NRBP2: variants seen among roughly 807,000 people sequenced by gnomAD.
The protein encoded by NRBP2 is nuclear receptor binding protein 2, also known as nuclear receptor-binding protein 2.
Under a neutral mutation model 74.4 loss-of-function variants are expected in NRBP2, and 47 were observed. The ratio of observed to expected loss-of-function variants is 0.63; its 90% CI spans 0.50 to 0.81. The LOEUF (loss-of-function observed/expected upper bound fraction) is 0.81. Ranked by LOEUF, NRBP2 falls within the 30% of genes least tolerant of loss-of-function variation. The pLI is 0.00. For synonymous variants in NRBP2, 312 were observed against 273.8 expected (o/e 1.14, Z -1.38); for missense variants, 613 against 690.1 (o/e 0.89, Z 1.25).
Position 143,837,754 on chromosome 8 carries a change from T to C in NRBP2, c.842A>G (p.Glu281Gly). 2.6e-6 allele frequency: 4 copies of C among 1,559,222 alleles called. No homozygotes were observed. The highest frequency in any genetic ancestry group is 3.5e-6 in the Non-Finnish European group (4 of 1,150,658). Residue 281 changes from glutamate to glycine, a missense_variant and splice_region_variant, in exon 11 of 18, where the codon GAG (glutamate) becomes GGG (glycine). Physicochemically the swap from Glu to Gly is moderately conservative, Grantham distance 98. Around this residue, in one of 2 missense-constraint regions of NRBP2, gnomAD observed 332 missense variants for 429.2 expected, o/e 0.77. Coordinates refer to ENST00000442628, the MANE Select transcript of NRBP2 (RefSeq NM_178564.4). The surrounding 1 kb of genome is among the most constrained non-coding windows in gnomAD (Gnocchi z 4.3). ...RHSLSDPNMR[E>G]FILCCLARDP... is the part of the protein sequence containing the mutation. ...CCGGGCCAGGCAGCAAAGGATGAACTCCTGGGGCACAGGGAGGAGAGGCTG... is the reference window on the plus strand; with the variant it reads ...CCGGGCCAGGCAGCAAAGGATGAACCCCTGGGGCACAGGGAGGAGAGGCTG...
chr8:143,831,650 C>T (rs1457246093), downstream of NRBP2, among the ~76,000 whole-genome samples: 1 of 152,104 alleles, frequency 6.6e-6, no homozygotes, highest in Non-Finnish European at 1.5e-5. Flanking sequence ...AACAGAAGTC[C>T]AACATCTAAA....
rs1554651527 is a variant in NRBP2, at chr8:143,835,901, A to G, written c.1382-26T>C. The G allele has an allele frequency of 1.3e-6, 2 of 1,598,824 alleles. No individual in the cohort carries two copies. Among genetic ancestry groups the G allele is most frequent in the African/African-American group, 1.3e-5 (1 of 74,748 alleles). Reference sequence around the variant, plus strand: ...CTGAGGCAATGGCGTAAGGCGAGGCATGAGGCCGCTGCCCACCCGCCGCCT... The same window carrying G: ...CTGAGGCAATGGCGTAAGGCGAGGCGTGAGGCCGCTGCCCACCCGCCGCCT... On this transcript the variant is annotated intron_variant, in intron 16 of 17. Coordinates refer to ENST00000442628, the MANE Select transcript of NRBP2 (RefSeq NM_178564.4). This position sits in a 1 kb window ranked among gnomAD's most constrained non-coding sequence, Gnocchi z 4.9.
In NRBP2 at chr8:143,840,036, G is replaced by A. The variant is rs1554653309; in HGVS notation, c.253-6C>T. The A allele has an allele frequency of 1.3e-6, 2 of 1,536,076 alleles. No homozygotes were observed. The highest frequency in any genetic ancestry group is 1.4e-5 in the African/African-American group (1 of 73,052). ...AACACGGTCTGGATCTTCTCCTGGG[G>A]AGGGAGGGTGGTCGCTGGGTGGTCA... is the stretch of plus-strand genomic sequence containing the variant. On this transcript the variant is annotated splice_region_variant and splice_polypyrimidine_tract_variant and intron_variant, in intron 2 of 17. Transcript: ENST00000442628. The surrounding 1 kb of genome is among the most constrained non-coding windows in gnomAD (Gnocchi z 5.7).
At chr8:143,836,260 A>G (rs1433440444) in intron 14 of NRBP2, 80 bp from the exon 15 acceptor site, 5 of 1,436,996 alleles carry the variant, frequency 3.5e-6, no homozygotes, top group Non-Finnish European at 4.6e-6. Context: ...GGGAAGGGAC[A>G]GCAAAGACTG....
chr8:143,837,418 CG>C lies in NRBP2; in HGVS notation c.1064del (p.Pro355ArgfsTer28). 1.2e-6 allele frequency: 2 copies of C among 1,600,806 alleles called. No individual in the cohort carries two copies. The highest frequency in any genetic ancestry group is 2.3e-5 in the East Asian group (1 of 44,418). On this transcript the variant is annotated frameshift_variant, in exon 12 of 18. Transcript: ENST00000442628. LOFTEE classifies it high-confidence loss of function. This position sits in a 1 kb window ranked among gnomAD's most constrained non-coding sequence, Gnocchi z 4.3. ...TGCTGACTGCTCACCGCCACTGCAG[CG>C]GGGGCCTGCGGGGCCGGGGAAGCTC... is the stretch of plus-strand genomic sequence containing the variant. The part of the protein sequence containing the change: ...LAELPRPRRP[P>X]LQWRYSEVSF...
At position 143,837,335 on chromosome 8, in the gene NRBP2, C is replaced by T. The variant is rs781846101; in HGVS notation, c.1077-36G>A. ...AGTGGGAGGCACATGAGGGGCTGGC[C>T]GGGGCGAGGGGAGGGGAGGTGCGGG... On this transcript the variant is annotated intron_variant, in intron 12 of 17. Coordinates refer to ENST00000442628, the MANE Select transcript of NRBP2 (RefSeq NM_178564.4). The surrounding 1 kb of genome is among the most constrained non-coding windows in gnomAD (Gnocchi z 4.3). The T allele has an allele frequency of 3.8e-5, 15 of 393,748 alleles. No homozygotes were observed. Among genetic ancestry groups the T allele is most frequent in the South Asian group, 8.4e-5 (2 of 23,710 alleles). The allele number at this position is 393,748 out of a possible 1,614,324, so 24.4% of individuals were successfully genotyped here. A position where few individuals can be genotyped will look rare whatever the true frequency, so the allele number is the denominator to read the frequency against.
chr8:143,835,868 G>T lies in NRBP2; in HGVS notation c.1389C>A (p.Ser463Arg). ...CGAGCTCCGAGGCGAGGTCCTGGGCGCTGTCCGCTGAGGCAATGGCGTAAG... is the reference window on the plus strand; with the variant it reads ...CGAGCTCCGAGGCGAGGTCCTGGGCTCTGTCCGCTGAGGCAATGGCGTAAG... ...QLTYDLLPTD[S>R]AQDLASELVH... The change falls in exon 17 of 18, where the codon AGC (serine) becomes AGA (arginine). Residue 463 changes from serine (S) to arginine (R), a missense_variant. Around this residue, in one of 2 missense-constraint regions of NRBP2, gnomAD observed 281 missense variants for 260.9 expected, o/e 1.08. Transcript: ENST00000442628. The surrounding 1 kb of genome is among the most constrained non-coding windows in gnomAD (Gnocchi z 4.9). The T allele has an allele frequency of 6.3e-7, 1 of 1,598,830 alleles. No homozygotes were observed. Among genetic ancestry groups the T allele is most frequent in the Non-Finnish European group, 8.5e-7 (1 of 1,176,512 alleles).
Position 143,837,846 on chromosome 8 carries a change from G to A in NRBP2, c.841-91C>T. ...GAGAGGTGGCCCCTGAGTTCCCCAT[G>A]TCCCTCCTCAGGGACACACAGGACA... On this transcript the variant is annotated intron_variant, in intron 10 of 17. Coordinates refer to ENST00000442628, the MANE Select transcript of NRBP2 (RefSeq NM_178564.4). This position sits in a 1 kb window ranked among gnomAD's most constrained non-coding sequence, Gnocchi z 4.3. 1 of 1,481,452 alleles carries A rather than the reference G, an allele frequency of 6.8e-7. No individual in the cohort carries two copies. Among genetic ancestry groups the A allele is most frequent in the Non-Finnish European group, 9.2e-7 (1 of 1,090,112 alleles). 91.8% of individuals were successfully genotyped at this position (1,481,452 alleles called of 1,614,324 possible).
Position 143,837,738 on chromosome 8 carries a change from G to C in NRBP2, c.858C>G (p.Cys286Trp). The part of the protein sequence containing the change: ...DPNMREFILC[C>W]LARDPARRPS... Reference sequence around the variant, plus strand: ...GCCGGCGGGCAGGGTCCCGGGCCAGGCAGCAAAGGATGAACTCCTGGGGCA... The same window carrying C: ...GCCGGCGGGCAGGGTCCCGGGCCAGCCAGCAAAGGATGAACTCCTGGGGCA... The change falls in exon 11 of 18, where the codon TGC becomes TGG. Residue 286 changes from cysteine (C) to tryptophan (W), a missense_variant. Cys to Trp is a radical substitution (Grantham distance 215). Transcript: ENST00000442628. This position sits in a 1 kb window ranked among gnomAD's most constrained non-coding sequence, Gnocchi z 4.3. 6.4e-7 allele frequency: 1 copy of C among 1,561,080 alleles called. No individual in the cohort carries two copies.
intron 14 of NRBP2, 54 bp from the exon 15 acceptor site, chr8:143,836,234 C>T (rs1220058953): frequency 1.5e-5 from 22 of 1,472,862 alleles, no homozygotes; most frequent in African/African-American, 5.9e-5. Context: ...CCACATGCCG[C>T]GGCCCCAAAG....
At position 143,840,424 on chromosome 8, in the gene NRBP2, A is replaced by T; in HGVS notation, c.130-195T>A. On this transcript the variant is annotated intron_variant, in intron 1 of 17. Transcript: ENST00000442628. This position sits in a 1 kb window ranked among gnomAD's most constrained non-coding sequence, Gnocchi z 5.7. ...CCTATCCAAGGGCTGGGCTAAGGGG[A>T]TTTGGAGCAGGTTTCAGGGGGTCGA... The T allele has an allele frequency of 2.6e-6, 2 of 781,304 alleles. No individual in the cohort carries two copies. The highest frequency in any genetic ancestry group is 5.4e-5 in the East Asian group (2 of 36,926). 48.4% of individuals were successfully genotyped at this position (781,304 alleles called of 1,614,324 possible).
chr8:143,838,171 A>G (rs1271614848), intron 10 of NRBP2: 12 of 408,722 alleles, frequency 2.9e-5, no homozygotes, highest in Non-Finnish European at 3.2e-5. Context: ...AGGCACCCCC[A>G]TCTCCTGAGG....
chr8:143,839,307 C>T lies in NRBP2; in HGVS notation c.580+7G>A. ...CGTTCCCCCACCCAGCCCTGCCCCG[C>T]CAGCACCGGAGCCGATCTTGATGAG... On this transcript the variant is annotated splice_region_variant and intron_variant, in intron 6 of 17. Transcript: ENST00000442628. This position sits in a 1 kb window ranked among gnomAD's most constrained non-coding sequence, Gnocchi z 5.1. 6.4e-7 allele frequency: 1 copy of T among 1,555,118 alleles called. No homozygotes were observed. The highest frequency in any genetic ancestry group is 8.6e-7 in the Non-Finnish European group (1 of 1,157,764).
Position 143,837,659 on chromosome 8 carries a change from T to G in NRBP2, c.937A>C (p.Lys313Gln), listed in dbSNP as rs1554652301. Reference sequence around the variant, plus strand: ...ATGAAGCAGTGGGCTGCCAGGAGCTTCAGCGAGTGCACCTCGAAGAGCACG... The same window carrying G: ...ATGAAGCAGTGGGCTGCCAGGAGCTGCAGCGAGTGCACCTCGAAGAGCACG... ...HRVLFEVHSL[K>Q]LLAAHCFIQH... is the part of the protein sequence containing the mutation. Residue 313 changes from lysine (K) to glutamine (Q), a missense_variant, in exon 11 of 18, where the codon AAG becomes CAG. By Grantham distance (53) the Lys-to-Gln change is moderately conservative (BLOSUM62 1). Around this residue, in one of 2 missense-constraint regions of NRBP2, gnomAD observed 281 missense variants for 260.9 expected, o/e 1.08. Transcript: ENST00000442628. The surrounding 1 kb of genome is among the most constrained non-coding windows in gnomAD (Gnocchi z 4.3). The G allele has an allele frequency of 1.4e-5, 22 of 1,596,694 alleles. No homozygotes were observed. Among genetic ancestry groups the G allele is most frequent in the Non-Finnish European group, 1.7e-5 (20 of 1,171,866 alleles).
chr8:143,836,206 A>T (rs781973300), intron 14 of NRBP2, 26 bp from the exon 15 acceptor site: 4 of 1,518,220 alleles, frequency 2.6e-6, no homozygotes, highest in South Asian at 2.6e-5. Flanking sequence ...GCTGGGACTC[A>T]CAAACCCAGC....
Position 143,835,463 on chromosome 8 carries a change from T to A in NRBP2, c.*199A>T, listed in dbSNP as rs1818317448. On this transcript the variant is annotated 3_prime_UTR_variant, in exon 18 of 18. Transcript: ENST00000442628. This position sits in a 1 kb window ranked among gnomAD's most constrained non-coding sequence, Gnocchi z 4.9. ...CTAAGGACCTGGGAGGCCTAACGGC[T>A]CCCCCACACCCACCCCCCAACCCCT... 1.5e-6 allele frequency: 1 copy of A among 655,178 alleles called. No individual in the cohort carries two copies. The highest frequency in any genetic ancestry group is 2.7e-6 in the Non-Finnish European group (1 of 368,268). 40.6% of individuals were successfully genotyped at this position (655,178 alleles called of 1,614,324 possible). A position where few individuals can be genotyped will look rare whatever the true frequency, so the allele number is the denominator to read the frequency against.
In NRBP2 at chr8:143,836,070, G is replaced by A. The variant is rs782116631; in HGVS notation, c.1318-40C>T. 1.1e-5 allele frequency: 18 copies of A among 1,574,942 alleles called. No individual in the cohort carries two copies. In the Admixed American group the frequency reaches 3.3e-4, roughly 29 times the overall value. ...GGGCGTGGTCGGCTGGGGGTTCAGG[G>A]CTCCGCCACGCTCCCGCCTTCCCCA... On this transcript the variant is annotated intron_variant, in intron 15 of 17. Transcript: ENST00000442628.
At chr8:143,830,908 T>A (rs1255537502), downstream of NRBP2, among the ~76,000 whole-genome samples, 1 of 152,004 alleles carries the variant, frequency 6.6e-6, no homozygotes, top group East Asian at 1.9e-4. Flanking sequence ...AAGTGAGCAA[T>A]TCAATAGGCT....
rs1452343534 is a variant in NRBP2 at position 143,839,124 on chromosome 8, C to T, written c.605-24G>A. On this transcript the variant is annotated intron_variant, in intron 7 of 17. Coordinates refer to ENST00000442628, the MANE Select transcript of NRBP2 (RefSeq NM_178564.4). The surrounding 1 kb of genome is among the most constrained non-coding windows in gnomAD (Gnocchi z 5.1). ...TGCTGTGGGAGGGCGCAGAGCTGAG[C>T]GGGCGGGGACCTCTCCAGGACCCCG... is the stretch of plus-strand genomic sequence containing the variant. The T allele has an allele frequency of 1.9e-5, 28 of 1,510,806 alleles. No homozygotes were observed. The highest frequency in any genetic ancestry group is 2.5e-5 in the South Asian group (2 of 80,098). The allele number at this position is 1,510,806 out of a possible 1,614,324, so 93.6% of individuals were successfully genotyped here. A position where few individuals can be genotyped will look rare whatever the true frequency, so the allele number is the denominator to read the frequency against.
Sources: allele counts gnomAD v4.1 joint callset (sites outside exome capture counted in the v4.1 genomes callset), GRCh38; gene constraint gnomAD v4.1.1; regional missense constraint gnomAD v4.1.1; non-coding constraint Gnocchi (gnomAD v3.1); transcripts MANE v1.5; gene names NCBI Gene and HGNC (gene_info 2026-07-23, HGNC 2026-07-21).